Variants in LRRTM4 observed in about 807,000 individuals in gnomAD.
The protein encoded by LRRTM4 is leucine-rich repeat transmembrane neuronal protein 4.
Under a neutral mutation model 47.6 loss-of-function variants are expected in LRRTM4, and 25 were observed. The observed-to-expected ratio is 0.53, with a 90% CI of 0.38 to 0.73. LRRTM4 has a LOEUF of 0.73. LRRTM4 is among the 30% of genes least tolerant of loss of function. The pLI is 0.00. For missense variants in LRRTM4, 638 were observed against 713.4 expected (o/e 0.89, Z 1.20); for synonymous variants, 311 against 269.5 (o/e 1.15, Z -1.51).
intron 3 of LRRTM4, among the ~76,000 whole-genome samples, chr2:76,907,382 A>G (rs1411883581): frequency 3.3e-5 from 5 of 151,258 alleles, no homozygotes; most frequent in East Asian, 3.9e-4. Flanking sequence ...TGCCCACAAG[A>G]AAAAGCAGGA....
At chr2:77,032,398 A>G (rs1259219697) in intron 3 of LRRTM4, among the ~76,000 whole-genome samples, 1 of 152,122 alleles carries the variant, frequency 6.6e-6, no homozygotes, top group Admixed American at 6.5e-5. Context: ...CCATTGGACT[A>G]TTATATGTCT....
Position 76,748,679 on chromosome 2 carries a change from G to T in LRRTM4, c.*16C>A. 2 of 1,590,136 alleles carry T rather than the reference G, an allele frequency of 1.3e-6. No individual in the cohort carries two copies. The highest frequency in any genetic ancestry group is 1.7e-6 in the Non-Finnish European group (2 of 1,162,286). On this transcript the variant is annotated 3_prime_UTR_variant, in exon 4 of 4. Coordinates refer to ENST00000409884, the MANE Select transcript of LRRTM4 (RefSeq NM_001134745.3). ...TCCCCCCCATGGAGCTCCCCAGTGAGGAGTTGGCTTCAGCGTTAGTTTGCA... is the reference window on the plus strand; with the variant it reads ...TCCCCCCCATGGAGCTCCCCAGTGATGAGTTGGCTTCAGCGTTAGTTTGCA...
chr2:76,900,651 A>G (rs139628495), intron 3 of LRRTM4, among the ~76,000 whole-genome samples: 26 of 152,340 alleles, frequency 1.7e-4, no homozygotes, highest in Non-Finnish European at 3.5e-4. Flanking sequence ...ATGTGAAAGT[A>G]TGTCCATTTA....
intron 3 of LRRTM4, among the ~76,000 whole-genome samples, chr2:77,210,178 A>T (rs1264158788): frequency 6.6e-6 from 1 of 152,214 alleles, no homozygotes; most frequent in African/African-American, 2.4e-5. Flanking sequence ...AGAGCAAAAT[A>T]GCGTTAGCTT....
chr2:77,325,882 C>A (rs1024665248), intron 3 of LRRTM4, among the ~76,000 whole-genome samples: 1 of 152,126 alleles, frequency 6.6e-6, no homozygotes, highest in Admixed American at 6.6e-5. Context: ...GACACATTAT[C>A]CCAAATATGG....
intron 3 of LRRTM4, among the ~76,000 whole-genome samples, chr2:77,077,488 A>G (rs767763803): frequency 2.0e-5 from 3 of 152,166 alleles, no homozygotes; most frequent in Admixed American, 6.5e-5. Context: ...TGGTATGAAT[A>G]TATCTCCTTT....
chr2:77,124,812 A>G (rs536952517), intron 3 of LRRTM4, among the ~76,000 whole-genome samples: 1 of 152,304 alleles, frequency 6.6e-6, no homozygotes, highest in Admixed American at 6.5e-5. Context: ...GATGTAGTCC[A>G]TGATATCCAT....
intron 3 of LRRTM4, among the ~76,000 whole-genome samples, chr2:76,874,059 A>AT (rs1371469015): frequency 2.6e-5 from 4 of 151,858 alleles, no homozygotes; most frequent in African/African-American, 9.7e-5. Flanking sequence ...CATTCTTAGT[A>AT]TGCTGGTGTA....
intron 3 of LRRTM4, among the ~76,000 whole-genome samples, chr2:77,382,939 A>G (rs1447290992): frequency 6.6e-6 from 1 of 152,106 alleles, no homozygotes; most frequent in Non-Finnish European, 1.5e-5. Context: ...GAGCACTGAA[A>G]TAATCTAGTC....
At chr2:77,393,119 T>C (rs2103818653) in intron 3 of LRRTM4, among the ~76,000 whole-genome samples, 1 of 152,172 alleles carries the variant, frequency 6.6e-6, no homozygotes, top group Middle Eastern at 3.4e-3. Flanking sequence ...TCTTTTTTCA[T>C]CTTATCTTGC....
intron 3 of LRRTM4, among the ~76,000 whole-genome samples, chr2:77,436,045 T>C (rs1353721661): frequency 6.6e-6 from 1 of 152,176 alleles, no homozygotes; most frequent in African/African-American, 2.4e-5. Context: ...ACTCTCCATT[T>C]ATGTAGAAAT....
At chr2:77,438,507 C>T (rs1332551499) in intron 3 of LRRTM4, among the ~76,000 whole-genome samples, 9 of 149,628 alleles carry the variant, frequency 6.0e-5, no homozygotes, top group Admixed American at 6.0e-4. Flanking sequence ...CCCGGGTTCA[C>T]GCCATTCTCC....
intron 3 of LRRTM4, among the ~76,000 whole-genome samples, chr2:76,850,858 T>G (rs1671972015): frequency 6.6e-6 from 1 of 152,180 alleles, no homozygotes; most frequent in African/African-American, 2.4e-5. Context: ...ATAGAAAAAC[T>G]AGAGAAAGTT....
chr2:77,160,900 A>G (rs1030004078), intron 3 of LRRTM4, among the ~76,000 whole-genome samples: 16 of 152,190 alleles, frequency 1.1e-4, no homozygotes, highest in Non-Finnish European at 1.5e-5. Context: ...TAGTCATTAT[A>G]TGATATGTGA....
intron 3 of LRRTM4, among the ~76,000 whole-genome samples, chr2:76,810,195 C>T (rs1017810696): frequency 6.6e-5 from 10 of 152,170 alleles, no homozygotes; most frequent in African/African-American, 9.7e-5. Context: ...AACTGATGAA[C>T]AATTCTCCTT....
chr2:76,836,248 G>C (rs1196350581), intron 3 of LRRTM4, among the ~76,000 whole-genome samples: 1 of 151,344 alleles, frequency 6.6e-6, no homozygotes, highest in Non-Finnish European at 1.5e-5. Flanking sequence ...GTTGGACTTT[G>C]GCCCAATCAC....
intron 3 of LRRTM4, among the ~76,000 whole-genome samples, chr2:76,806,317 C>T (rs895683974): frequency 6.6e-6 from 1 of 152,132 alleles, no homozygotes; most frequent in African/African-American, 2.4e-5. Context: ...TGCGGTGGCT[C>T]ACACCTGTAA....
rs1357991967 is a variant in LRRTM4, at chr2:77,518,350, T to C, written c.1519A>G (p.Thr507Ala). 4 of 1,611,860 alleles carry C rather than the reference T, an allele frequency of 2.5e-6. No individual in the cohort carries two copies. Among genetic ancestry groups the C allele is most frequent in the South Asian group, 1.1e-5 (1 of 90,878 alleles). Residue 507 changes from threonine to alanine, a missense_variant, in exon 3 of 4, where the codon ACA (threonine) becomes GCA (alanine). Coordinates refer to ENST00000409884, the MANE Select transcript of LRRTM4 (RefSeq NM_001134745.3). ...TCCCTGGAGCCAGAGATGGTATATG[T>C]GCAGGGCCCAGATCCATTAACCGAT... ...DISVNGSGPC[T>A]YTISGSRECE...
rs531824047 is a variant in LRRTM4 at position 77,318,208 on chromosome 2, A to G, written c.1551+200110T>C. ...TTTTTAGTAGAGACGGGGTTTCACCATGTTAGCAAGGATGGTCTTGATCTC... is the reference window on the plus strand; with the variant it reads ...TTTTTAGTAGAGACGGGGTTTCACCGTGTTAGCAAGGATGGTCTTGATCTC... On this transcript the variant is annotated intron_variant, in intron 3 of 3. Coordinates refer to ENST00000409884, the MANE Select transcript of LRRTM4 (RefSeq NM_001134745.3). Among the ~76,000 whole-genome samples, 495 of 152,116 alleles carry G rather than the reference A, an allele frequency of 3.3e-3. 1 individual carries two copies. Among genetic ancestry groups the G allele is most frequent in the Non-Finnish European group, 5.9e-3 (398 of 67,990 alleles).
Sources: allele counts gnomAD v4.1 joint callset (sites outside exome capture counted in the v4.1 genomes callset), GRCh38; gene constraint gnomAD v4.1.1; transcripts MANE v1.5; gene names NCBI Gene and HGNC (gene_info 2026-07-23, HGNC 2026-07-21).